BICRAL: variants seen among roughly 807,000 people sequenced by gnomAD.
The protein encoded by BICRAL is BRD4-interacting chromatin-remodeling complex-associated protein-like.
In BICRAL, 8 loss-of-function variants were observed where a neutral mutation model predicts 91.8. That is an observed-to-expected ratio of 0.09 (90% confidence interval 0.05 to 0.16). The LOEUF is 0.16. BICRAL is among the 10% of genes least tolerant of loss of function. The pLI is 1.00. For missense variants in BICRAL, 1,038 were observed against 1,310.9 expected (o/e 0.79, Z 3.21); for synonymous variants, 445 against 491.1 (o/e 0.91, Z 1.24).
At chr6:42,812,984 G>GTGA (rs1486111035) in intron 2 of BICRAL, among the ~76,000 whole-genome samples, 1 of 152,200 alleles carries the variant, frequency 6.6e-6, no homozygotes, top group Non-Finnish European at 1.5e-5. Context: ...GCAATCCGCT[G>GTGA]TGATCCTGCC....
In BICRAL at chr6:42,829,893, A is replaced by G. The variant is rs1327525295; in HGVS notation, c.1560A>G (p.Gln520=). 2 of 1,614,238 alleles carry G rather than the reference A, an allele frequency of 1.2e-6. No homozygotes were observed. The highest frequency in any genetic ancestry group is 1.1e-5 in the South Asian group (1 of 91,090). The part of the protein sequence containing the change: ...HLSPGQSSVS[Q]GRPGFATMPS... Reference sequence around the variant, plus strand: ...CACCTGGGCAGAGCAGCGTTTCCCAAGGAAGACCTGGCTTCGCCACCATGC... The same window carrying G: ...CACCTGGGCAGAGCAGCGTTTCCCAGGGAAGACCTGGCTTCGCCACCATGC... Residue 520 remains glutamine (Q), a synonymous_variant, in exon 6 of 13, where the codon CAA becomes CAG. Coordinates refer to ENST00000314073, the MANE Select transcript of BICRAL (RefSeq NM_001393499.1).
intron 1 of BICRAL, among the ~76,000 whole-genome samples, chr6:42,785,666 G>A (rs2894478): frequency 0.48 from 72,342 of 152,062 alleles, 18,884 homozygotes; most frequent in African/African-American, 0.7. Context: ...AAAAGAAAAG[G>A]TTGTTTCCTG....
intron 3 of BICRAL, 76 bp downstream of exon 3, chr6:42,822,139 A>G: frequency 1.3e-6 from 1 of 771,782 alleles, no homozygotes; most frequent in Non-Finnish European, 2.3e-6. Context: ...CTAATAGCAT[A>G]TAACACCTGA....
chr6:42,769,583 A>G (rs1036859800), intron 1 of BICRAL, among the ~76,000 whole-genome samples: 1 of 152,172 alleles, frequency 6.6e-6, no homozygotes, highest in Admixed American at 6.5e-5. Context: ...TGGGAGCTAC[A>G]TGACACAGAG....
intron 1 of BICRAL, among the ~76,000 whole-genome samples, chr6:42,769,085 C>T (rs1408337782): frequency 6.6e-6 from 1 of 152,218 alleles, no homozygotes; most frequent in Non-Finnish European, 1.5e-5. Context: ...GCATTTATTA[C>T]GTCACAGTTC....
At chr6:42,785,560 C>G (rs1763080304) in intron 1 of BICRAL, among the ~76,000 whole-genome samples, 1 of 101,196 alleles carries the variant, frequency 9.9e-6, no homozygotes, top group South Asian at 3.5e-4. Flanking sequence ...AAACTCCCAT[C>G]TCAAAAAAAA....
chr6:42,812,131 G>A (rs115730266), intron 2 of BICRAL, among the ~76,000 whole-genome samples: 1 of 152,250 alleles, frequency 6.6e-6, no homozygotes, highest in South Asian at 2.1e-4. Flanking sequence ...TCAATAGAAA[G>A]AGATGCAGAA....
intron 1 of BICRAL, among the ~76,000 whole-genome samples, chr6:42,783,695 G>C (rs1022881459): frequency 1.3e-5 from 2 of 152,232 alleles, no homozygotes; most frequent in African/African-American, 2.4e-5. Context: ...GCTCGGAGCG[G>C]GAAGGGCTGG....
At chr6:42,830,534 G>GATA (rs1764442211) in intron 6 of BICRAL, among the ~76,000 whole-genome samples, 2 of 151,894 alleles carry the variant, frequency 1.3e-5, no homozygotes, top group Non-Finnish European at 2.9e-5. Flanking sequence ...CCACTGCACT[G>GATA]GGTGATAGAG....
At chr6:42,747,465 G>T (rs1762297302) in intron 1 of BICRAL, among the ~76,000 whole-genome samples, 1 of 152,220 alleles carries the variant, frequency 6.6e-6, no homozygotes, top group Admixed American at 6.5e-5. Context: ...GAGGAAACGC[G>T]AACCATTGAA....
chr6:42,799,868 A>T (rs1763517554), intron 1 of BICRAL, among the ~76,000 whole-genome samples: 1 of 150,764 alleles, frequency 6.6e-6, no homozygotes, highest in Admixed American at 6.6e-5. Flanking sequence ...TTCTTTCTTA[A>T]ATATTTATTT....
chr6:42,773,596 C>T (rs921707064), intron 1 of BICRAL, among the ~76,000 whole-genome samples: 4 of 152,140 alleles, frequency 2.6e-5, no homozygotes, highest in Non-Finnish European at 5.9e-5. Context: ...CTCACTGCAA[C>T]CTCTGCCTCC....
chr6:42,806,251 G>C (rs1410197016), intron 1 of BICRAL, among the ~76,000 whole-genome samples: 1 of 152,162 alleles, frequency 6.6e-6, no homozygotes, highest in Non-Finnish European at 1.5e-5. Context: ...CTCAGACCTG[G>C]AACAGGTTCC....
At chr6:42,786,143 A>G (rs149083338) in intron 1 of BICRAL, among the ~76,000 whole-genome samples, 5 of 152,254 alleles carry the variant, frequency 3.3e-5, no homozygotes, top group East Asian at 1.9e-4. Flanking sequence ...TCTCTGGATT[A>G]AGGATCATGG....
intron 1 of BICRAL, among the ~76,000 whole-genome samples, chr6:42,806,893 C>T (rs1055287794): frequency 5.3e-5 from 8 of 152,078 alleles, no homozygotes; most frequent in Non-Finnish European, 7.4e-5. Context: ...TGCAATGGCA[C>T]GATCTTGGCT....
chr6:42,766,912 C>T (rs974411586), intron 1 of BICRAL, among the ~76,000 whole-genome samples: 6 of 152,028 alleles, frequency 3.9e-5, no homozygotes, highest in African/African-American at 1.2e-4. Context: ...TGGTGGCAGG[C>T]GTCTGTAGTC....
intron 1 of BICRAL, among the ~76,000 whole-genome samples, chr6:42,791,426 A>G (rs1257329776): frequency 6.6e-6 from 1 of 152,196 alleles, no homozygotes; most frequent in Non-Finnish European, 1.5e-5. Flanking sequence ...GTGAGAGAAT[A>G]AGATATGAAA....
At chr6:42,855,449 G>T (rs182081036) in intron 8 of BICRAL, among the ~76,000 whole-genome samples, 204 of 152,240 alleles carry the variant, frequency 1.3e-3, no homozygotes, top group African/African-American at 4.5e-3. Context: ...GGCTGAGGTG[G>T]GAGGATCACT....
intron 1 of BICRAL, among the ~76,000 whole-genome samples, chr6:42,749,258 G>C (rs1014374134): frequency 1.3e-5 from 2 of 152,120 alleles, no homozygotes; most frequent in African/African-American, 4.8e-5. Flanking sequence ...TTCAACAACT[G>C]CCAACTGATG....
Sources: gnomAD v4.1 joint callset for allele counts (sites outside exome capture counted in the v4.1 genomes callset) on GRCh38, gnomAD v4.1.1 for gene constraint, MANE v1.5 for transcripts, NCBI Gene and HGNC (gene_info 2026-07-23, HGNC 2026-07-21) for gene names.